The following ASAP1 variants were observed in gnomAD, a reference collection of about 807,000 sequenced individuals.
ASAP1 encodes the protein ArfGAP with SH3 domain, ankyrin repeat and PH domain 1, also known as arf-GAP with SH3 domain, ANK repeat and PH domain-containing protein 1.
ASAP1 carries 43 observed loss-of-function variants against 145.2 expected under a neutral mutation model. The observed-to-expected ratio is 0.30, with a 90% CI of 0.23 to 0.38. The LOEUF (loss-of-function observed/expected upper bound fraction) is 0.38. Among genes scored for constraint, ASAP1 ranks in the 10% least tolerant of loss-of-function variants. The pLI is 1.00. For synonymous variants in ASAP1, 546 were observed against 515.5 expected (o/e 1.06, Z -0.80); for missense variants, 1,018 against 1,355.3 (o/e 0.75, Z 3.91).
chr8:130,387,699 C>A (rs946947209), intron 2 of ASAP1, among the ~76,000 whole-genome samples: 3 of 149,850 alleles, frequency 2.0e-5, no homozygotes, highest in African/African-American at 7.4e-5. Flanking sequence ...AACTTTTTAA[C>A]CACTTGTATA....
intron 3 of ASAP1, among the ~76,000 whole-genome samples, chr8:130,308,807 CG>C (rs1554878937): frequency 6.6e-6 from 1 of 151,932 alleles, no homozygotes; most frequent in Non-Finnish European, 1.5e-5. Context: ...TTTGGGAGGC[CG>C]AGGCAGGTGG....
intron 13 of ASAP1, among the ~76,000 whole-genome samples, chr8:130,137,812 C>G (rs189278690): frequency 6.6e-6 from 1 of 152,174 alleles, no homozygotes; most frequent in Non-Finnish European, 1.5e-5. Context: ...AGTCTCACCA[C>G]GTATTCACAC....
chr8:130,431,710 C>T (rs1456484984), intron 1 of ASAP1, among the ~76,000 whole-genome samples: 1 of 151,950 alleles, frequency 6.6e-6, no homozygotes, highest in African/African-American at 2.4e-5. Context: ...ATTATCTGGA[C>T]ATGTCTGGCC....
chr8:130,189,508 A>G (rs1279974731), intron 5 of ASAP1, among the ~76,000 whole-genome samples: 2 of 152,202 alleles, frequency 1.3e-5, no homozygotes, highest in Non-Finnish European at 2.9e-5. Context: ...TGGCTGAATA[A>G]TATTCCATTG....
At chr8:130,283,070 C>T (rs1821348139) in intron 3 of ASAP1, among the ~76,000 whole-genome samples, 1 of 152,172 alleles carries the variant, frequency 6.6e-6, no homozygotes, top group South Asian at 2.1e-4. Flanking sequence ...ATAACAGCAA[C>T]TAGGCAAATT....
chr8:130,256,739 T>TTATATA (rs58245112), intron 3 of ASAP1, among the ~76,000 whole-genome samples: 1,070 of 95,512 alleles, frequency 0.011, 17 homozygotes, highest in African/African-American at 0.019. Context: ...ATACACATTC[T>TTATATA]TATATATATA....
chr8:130,352,941 T>A (rs1036714113), intron 3 of ASAP1, among the ~76,000 whole-genome samples: 2 of 152,206 alleles, frequency 1.3e-5, no homozygotes, highest in Non-Finnish European at 2.9e-5. Context: ...CCAGTTTCCA[T>A]AAGAAAACTT....
chr8:130,372,947 TAC>T (rs1220822879), intron 2 of ASAP1, among the ~76,000 whole-genome samples: 1 of 149,580 alleles, frequency 6.7e-6, no homozygotes, highest in African/African-American at 2.5e-5. Context: ...CATACACAAA[TAC>T]ACAGGCATAT....
intron 27 of ASAP1, among the ~76,000 whole-genome samples, chr8:130,070,529 C>A (rs889809957): frequency 6.6e-6 from 1 of 152,050 alleles, no homozygotes; most frequent in African/African-American, 2.4e-5. Context: ...CACTTGATAA[C>A]CCCCTGTGGA....
At chr8:130,330,431 T>C (rs936623879) in intron 3 of ASAP1, among the ~76,000 whole-genome samples, 4 of 152,258 alleles carry the variant, frequency 2.6e-5, no homozygotes, top group Admixed American at 1.3e-4. Context: ...CTGACCGGTC[T>C]ATGCTATATT....
At chr8:130,377,184 G>T (rs1485139840) in intron 2 of ASAP1, among the ~76,000 whole-genome samples, 1 of 152,012 alleles carries the variant, frequency 6.6e-6, no homozygotes, top group Non-Finnish European at 1.5e-5. Context: ...AGGATGCACA[G>T]GCATAGGAAG....
At chr8:130,171,568 C>T (rs1231531409) in intron 9 of ASAP1, among the ~76,000 whole-genome samples, 1 of 152,168 alleles carries the variant, frequency 6.6e-6, no homozygotes, top group African/African-American at 2.4e-5. Flanking sequence ...TGGTCCTGCC[C>T]TTGACATGTG....
chr8:130,194,931 T>TC (rs1815378277), intron 5 of ASAP1, among the ~76,000 whole-genome samples: 1 of 152,146 alleles, frequency 6.6e-6, no homozygotes, highest in South Asian at 2.1e-4. Context: ...AACAGTCATC[T>TC]CCAAGGCACT....
chr8:130,058,432 A>G (rs1208830331), intron 28 of ASAP1, among the ~76,000 whole-genome samples: 1 of 152,214 alleles, frequency 6.6e-6, no homozygotes, highest in Non-Finnish European at 1.5e-5. Flanking sequence ...TTGCAGAATG[A>G]CAGCAGAGTC....
Position 130,376,903 on chromosome 8 carries a change from C to CAAAAAA in ASAP1, c.60-18766_60-18761dup, listed in dbSNP as rs34006260. 5.4e-4 allele frequency among the ~76,000 whole-genome samples: 14 copies of CAAAAAA among 26,018 alleles called. 2 individuals are homozygous for CAAAAAA. Among genetic ancestry groups the CAAAAAA allele is most frequent in the African/African-American group, 1.6e-3 (14 of 8,924 alleles). 17.1% of individuals were successfully genotyped at this position (26,018 alleles called of 152,430 possible). On this transcript the variant is annotated intron_variant, in intron 2 of 29. Coordinates refer to ENST00000518721, the MANE Select transcript of ASAP1 (RefSeq NM_018482.4). ...CAGCAACAAGAGCAAAACTCCATCT[C>CAAAAAA]AAAAAAAAAAAAAAAAAAAAAAAAA...
intron 2 of ASAP1, among the ~76,000 whole-genome samples, chr8:130,395,568 G>A (rs963541323): frequency 2.0e-5 from 3 of 152,184 alleles, no homozygotes; most frequent in Non-Finnish European, 4.4e-5. Context: ...CAGACACTAC[G>A]AAGAGGCAAG....
At chr8:130,261,814 T>C (rs1429124405) in intron 3 of ASAP1, among the ~76,000 whole-genome samples, 1 of 152,090 alleles carries the variant, frequency 6.6e-6, no homozygotes, top group African/African-American at 2.4e-5. Flanking sequence ...GTTAGGATTA[T>C]AGTCAAGGGA....
intron 25 of ASAP1, among the ~76,000 whole-genome samples, chr8:130,081,885 T>C (rs565117780): frequency 1.3e-5 from 2 of 152,338 alleles, no homozygotes; most frequent in South Asian, 4.1e-4. Flanking sequence ...CATACTGTGC[T>C]ACATACTCAT....
chr8:130,416,884 A>G (rs1829497788), intron 1 of ASAP1, among the ~76,000 whole-genome samples: 1 of 152,238 alleles, frequency 6.6e-6, no homozygotes, highest in South Asian at 2.1e-4. Flanking sequence ...CTGATGGGGC[A>G]ACCTTCTCTC....
Sources: allele counts gnomAD v4.1 joint callset (sites outside exome capture counted in the v4.1 genomes callset), GRCh38; gene constraint gnomAD v4.1.1; transcripts MANE v1.5; gene names NCBI Gene and HGNC (gene_info 2026-07-23, HGNC 2026-07-21).